Variants in CWC27 observed in about 807,000 individuals in gnomAD.
The protein encoded by CWC27 is CWC27 spliceosome associated cyclophilin, also known as spliceosome-associated protein CWC27 homolog.
Under a neutral mutation model 63.6 loss-of-function variants are expected in CWC27, and 47 were observed. The ratio of observed to expected loss-of-function variants is 0.74; its 90% confidence interval spans 0.58 to 0.94. The LOEUF (loss-of-function observed/expected upper bound fraction) is 0.94. CWC27 is among the 40% of genes least tolerant of loss of function. The pLI, the probability that CWC27 is intolerant of heterozygous loss-of-function variation, is 0.00. For synonymous variants in CWC27, 175 were observed against 179.8 expected (o/e 0.97, Z 0.22); for missense variants, 495 against 554.3 (o/e 0.89, Z 1.07).
chr5:64,798,316 A>T (rs1744353986), intron 7 of CWC27, among the ~76,000 whole-genome samples: 1 of 152,160 alleles, frequency 6.6e-6, no homozygotes, highest in African/African-American at 2.4e-5. Flanking sequence ...AACCCCATGG[A>T]ATTGTGGAAT....
At chr5:64,779,543 A>G (rs1743585552) in intron 2 of CWC27, among the ~76,000 whole-genome samples, 1 of 152,236 alleles carries the variant, frequency 6.6e-6, no homozygotes, top group South Asian at 2.1e-4. Context: ...TATATAAAAT[A>G]GAACTAACCA....
At chr5:64,988,713 C>T (rs572180728) in intron 13 of CWC27, among the ~76,000 whole-genome samples, 1 of 151,538 alleles carries the variant, frequency 6.6e-6, no homozygotes, top group African/African-American at 2.4e-5. Flanking sequence ...AAGAGACTCT[C>T]TTGCCTCAGG....
intron 11 of CWC27, among the ~76,000 whole-genome samples, chr5:64,922,482 A>G (rs573556098): frequency 1.3e-5 from 2 of 152,246 alleles, no homozygotes; most frequent in African/African-American, 2.4e-5. Context: ...CCAGAAGTTC[A>G]GTTTGGTTCT....
chr5:64,814,702 G>C (rs1463809648), intron 10 of CWC27, among the ~76,000 whole-genome samples: 2 of 152,172 alleles, frequency 1.3e-5, no homozygotes, highest in Non-Finnish European at 1.5e-5. Context: ...AGTCATGTGT[G>C]TCCAGCTAAA....
intron 13 of CWC27, among the ~76,000 whole-genome samples, chr5:64,985,074 C>T (rs1184439648): frequency 6.6e-6 from 1 of 152,172 alleles, no homozygotes; most frequent in Non-Finnish European, 1.5e-5. Context: ...TTTTGTCAAA[C>T]ACAGTTGGCT....
chr5:64,885,016 T>C (rs991217242), intron 10 of CWC27, among the ~76,000 whole-genome samples: 4 of 152,184 alleles, frequency 2.6e-5, no homozygotes, highest in African/African-American at 7.2e-5. Flanking sequence ...ACTTAATAAA[T>C]GGTAGTCACT....
At chr5:64,817,396 A>T (rs1055313152) in intron 10 of CWC27, among the ~76,000 whole-genome samples, 25 of 152,160 alleles carry the variant, frequency 1.6e-4, no homozygotes, top group Non-Finnish European at 4.4e-5. Context: ...TAAAATACAT[A>T]TGTTAGGATC....
intron 10 of CWC27, among the ~76,000 whole-genome samples, chr5:64,855,599 T>G (rs1484380165): frequency 6.6e-6 from 1 of 152,186 alleles, no homozygotes; most frequent in Non-Finnish European, 1.5e-5. Flanking sequence ...AAGTAAATGT[T>G]TGTTGAATAA....
intron 1 of CWC27, among the ~76,000 whole-genome samples, chr5:64,774,104 T>C (rs1254082947): frequency 6.6e-6 from 1 of 152,194 alleles, no homozygotes; most frequent in African/African-American, 2.4e-5. Flanking sequence ...TTTATTGGAA[T>C]TGATGCAATG....
intron 3 of CWC27, 148 bp from the exon 4 acceptor site, chr5:64,783,688 G>T: frequency 1.6e-6 from 1 of 643,162 alleles, no homozygotes. Flanking sequence ...TAATAACATT[G>T]AAAGAATAGT....
intron 11 of CWC27, among the ~76,000 whole-genome samples, chr5:64,908,975 G>C (rs534515968): frequency 1.1e-4 from 16 of 152,102 alleles, no homozygotes; most frequent in Non-Finnish European, 2.1e-4. Context: ...TTTCTTTCTA[G>C]CATCGATGGT....
intron 10 of CWC27, among the ~76,000 whole-genome samples, chr5:64,869,188 A>G (rs1580689842): frequency 6.6e-6 from 1 of 152,078 alleles, no homozygotes; most frequent in Non-Finnish European, 1.5e-5. Flanking sequence ...ATTTTGGTTT[A>G]ATGAAGAACA....
At chr5:64,980,856 C>A (rs1009240547) in intron 13 of CWC27, among the ~76,000 whole-genome samples, 3 of 152,148 alleles carry the variant, frequency 2.0e-5, no homozygotes, top group Admixed American at 2.0e-4. Flanking sequence ...CTTTGGGAGG[C>A]CAAGGCAGGT....
chr5:64,936,584 GT>G (rs201285406), intron 11 of CWC27, among the ~76,000 whole-genome samples: 4,638 of 152,266 alleles, frequency 0.03, 106 homozygotes, highest in Non-Finnish European at 0.044. Flanking sequence ...GTCTCTGCAG[GT>G]TTTGGTATCA....
Position 64,785,094 on chromosome 5 carries a change from G to A in CWC27, c.397-387G>A, listed in dbSNP as rs1019773791. Among the ~76,000 whole-genome samples the A allele has an allele frequency of 4.5e-4, 68 of 152,168 alleles. 1 individual carries two copies. The highest frequency in any genetic ancestry group is 4.1e-3 in the Admixed American group (63 of 15,274). ...TTCCTACTTTTAGGTTGTTTGTGAG[G>A]ATTAAATGAGATAATGTCTCTAAAG... On this transcript the variant is annotated intron_variant, in intron 4 of 13. Transcript: ENST00000381070.
At chr5:64,812,995 T>C (rs1446045130) in intron 10 of CWC27, among the ~76,000 whole-genome samples, 1 of 152,146 alleles carries the variant, frequency 6.6e-6, no homozygotes, top group Non-Finnish European at 1.5e-5. Flanking sequence ...CAGTCAAATA[T>C]CAGCAATTTC....
rs999647438 is a variant in CWC27 at position 65,001,109 on chromosome 5, T to C, written c.1257-17050T>C. On this transcript the variant is annotated intron_variant, in intron 13 of 13. Transcript: ENST00000381070. Reference sequence around the variant, plus strand: ...CTGTGAATGAGATTACTTTCTTGATTTCTTTTTCAGATAGTTTGTCATTGC... The same window carrying C: ...CTGTGAATGAGATTACTTTCTTGATCTCTTTTTCAGATAGTTTGTCATTGC... Among the ~76,000 whole-genome samples the C allele has an allele frequency of 2.0e-5, 3 of 151,970 alleles. No homozygotes were observed. The South Asian group carries it at 6.2e-4, about 32-fold the overall frequency.
intron 10 of CWC27, among the ~76,000 whole-genome samples, chr5:64,869,343 T>C (rs62369338): frequency 0.36 from 55,198 of 151,866 alleles, 10,619 homozygotes; most frequent in East Asian, 0.51. Flanking sequence ...CTTTGGATTT[T>C]ATATTAGCTA....
At chr5:64,771,885 G>A (rs182736638) in intron 1 of CWC27, among the ~76,000 whole-genome samples, 10 of 152,212 alleles carry the variant, frequency 6.6e-5, no homozygotes, top group South Asian at 2.1e-4. Flanking sequence ...AAAGTGGCCC[G>A]ATTATATATG....
Sources: gnomAD v4.1 joint callset for allele counts (sites outside exome capture counted in the v4.1 genomes callset) on GRCh38, gnomAD v4.1.1 for gene constraint, MANE v1.5 for transcripts, NCBI Gene and HGNC (gene_info 2026-07-23, HGNC 2026-07-21) for gene names.